KARS1: variants seen among roughly 807,000 people sequenced by gnomAD.
KARS1 encodes the protein lysine--tRNA ligase.
KARS1 carries 50 observed loss-of-function variants against 63.9 expected under a neutral mutation model. The observed-to-expected ratio is 0.78, with a 90% CI of 0.62 to 0.99. The LOEUF is 0.99. KARS1 is among the 50% of genes least tolerant of loss of function. The pLI, the probability that KARS1 is intolerant of heterozygous loss-of-function variation, is 0.00. For missense variants in KARS1, 816 were observed against 754.5 expected (o/e 1.08, Z -0.95); for synonymous variants, 320 against 264.6 (o/e 1.21, Z -2.03).
chr16:75,629,541 C>T lies in KARS1; in HGVS notation c.1425G>A (p.Trp475Ter). 6.2e-7 allele frequency: 1 copy of T among 1,614,012 alleles called. No individual in the cohort carries two copies. The highest frequency in any genetic ancestry group is 8.5e-7 in the Non-Finnish European group (1 of 1,179,926). ...HPQIMSPLAK[W>*]HRSKEGLTER... The stretch of plus-strand genomic sequence containing the variant: ...CAGTCAGACCCTCTTTAGAGCGGTG[C>T]CTAGGGACAGGAGACCAAAGAGGAG... The change falls in exon 12 of 14, where the codon TGG becomes TGA. Residue 475 changes from tryptophan (W) to a stop codon, truncating the protein, a stop_gained and splice_region_variant. Coordinates refer to ENST00000302445, the MANE Select transcript of KARS1 (RefSeq NM_005548.3). LOFTEE classifies it high-confidence loss of function.
intron 2 of KARS1, among the ~76,000 whole-genome samples, chr16:75,641,225 TG>T (rs1163468063): frequency 6.7e-6 from 1 of 149,460 alleles, no homozygotes; most frequent in Non-Finnish European, 1.5e-5. Context: ...GCATGGAGAG[TG>T]GGTTTGGCTG....
In KARS1 at chr16:75,647,657, C is replaced by T. The variant is rs2151815282; in HGVS notation, c.-18G>A. ...GCCGCCATCTTCCCGGAGGGCCCGACCCAAAAGTAAGGAGGATAGTACGTT... is the reference window on the plus strand; with the variant it reads ...GCCGCCATCTTCCCGGAGGGCCCGATCCAAAAGTAAGGAGGATAGTACGTT... On this transcript the variant is annotated 5_prime_UTR_variant, in exon 1 of 14. Transcript: ENST00000302445. 6.2e-7 allele frequency: 1 copy of T among 1,613,454 alleles called. No individual in the cohort carries two copies. The highest frequency in any genetic ancestry group is 8.5e-7 in the Non-Finnish European group (1 of 1,179,566).
intron 1 of KARS1, chr16:75,644,354 CCT>C (rs1555513844): frequency 1.9e-6 from 3 of 1,611,800 alleles, no homozygotes; most frequent in Non-Finnish European, 1.7e-6. Flanking sequence ...GTCGCAGTTC[CCT>C]GTGACCCCAC....
rs1196582857 is a variant in KARS1 at position 75,631,401 on chromosome 16, G to A, written c.1252+15C>T. The stretch of plus-strand genomic sequence containing the variant: ...GGAGGGCCTTACAACGGAGGAGTGA[G>A]TGTTGTCACTTTACCTTCAGTTTCA... On this transcript the variant is annotated intron_variant, in intron 9 of 13. Coordinates refer to ENST00000302445, the MANE Select transcript of KARS1 (RefSeq NM_005548.3). 6 of 1,613,604 alleles carry A rather than the reference G, an allele frequency of 3.7e-6. No individual in the cohort carries two copies. The South Asian group carries it at 6.6e-5, about 18-fold the overall frequency.
At chr16:75,631,892 T>C (rs763416335) in intron 7 of KARS1, 37 bp from the exon 8 acceptor site, 2 of 1,607,956 alleles carry the variant, frequency 1.2e-6, no homozygotes, top group South Asian at 2.2e-5. Flanking sequence ...TGACAGCTAA[T>C]CTTTTTTTTT....
intron 11 of KARS1, among the ~76,000 whole-genome samples, chr16:75,629,828 A>G (rs1160240856): frequency 2.0e-5 from 3 of 152,212 alleles, no homozygotes; most frequent in African/African-American, 7.2e-5. Context: ...ACGATCAAAC[A>G]TCTAATACAA....
At position 75,641,375 on chromosome 16, in the gene KARS1, T is replaced by C. The variant is rs922509095; in HGVS notation, c.222+189A>G. Among the ~76,000 whole-genome samples, 66 of 152,170 alleles carry C rather than the reference T, an allele frequency of 4.3e-4. 1 individual carries two copies. Among genetic ancestry groups the C allele is most frequent in the Admixed American group, 2.6e-4 (4 of 15,288 alleles). ...GAATGCTGGACTCTCTCAAATGCCT[T>C]TTGGGGGTTGACATAAAAAACACTC... On this transcript the variant is annotated intron_variant, in intron 2 of 13. Coordinates refer to ENST00000302445, the MANE Select transcript of KARS1 (RefSeq NM_005548.3).
intron 3 of KARS1, among the ~76,000 whole-genome samples, chr16:75,639,544 C>T (rs559501085): frequency 1.2e-4 from 17 of 141,206 alleles, no homozygotes; most frequent in Admixed American, 2.8e-4. Flanking sequence ...TGCATTCCAG[C>T]CTGGGAGACA....
chr16:75,644,362 C>G (rs1395662914), intron 1 of KARS1: 1 of 1,611,984 alleles, frequency 6.2e-7, no homozygotes, highest in Admixed American at 1.7e-5. Context: ...TCCCTGTGAC[C>G]CCACTCTGCC....
At chr16:75,629,603 T>C (rs2082089576) in intron 11 of KARS1, 62 bp from the exon 12 acceptor site, 17 of 1,578,044 alleles carry the variant, frequency 1.1e-5, no homozygotes, top group Admixed American at 1.7e-5. Flanking sequence ...TAAATTTTGT[T>C]TTTTCTTTTT....
At position 75,629,277 on chromosome 16, in the gene KARS1, G is replaced by T. The variant is rs145502323; in HGVS notation, c.1551+138C>A. On this transcript the variant is annotated intron_variant, in intron 12 of 13. Coordinates refer to ENST00000302445, the MANE Select transcript of KARS1 (RefSeq NM_005548.3). ...CCAGATGAAGTCACCATCTTGAAAT[G>T]TGACTCCTCCAGCAAGCCTATGGCT... 467 of 1,022,902 alleles carry T rather than the reference G, an allele frequency of 4.6e-4. 3 individuals are homozygous for T. The East Asian group carries it at 0.01, about 22-fold the overall frequency. 63.4% of individuals were successfully genotyped at this position (1,022,902 alleles called of 1,614,324 possible).
chr16:75,629,966 C>T (rs544931568), intron 11 of KARS1, among the ~76,000 whole-genome samples: 17 of 152,354 alleles, frequency 1.1e-4, no homozygotes, highest in Admixed American at 2.6e-4. Context: ...TAATGATCTT[C>T]CTAACAGGCC....
At position 75,647,309 on chromosome 16, in the gene KARS1, C is replaced by G. The variant is rs2233806; in HGVS notation, c.62+269G>C. 6.0e-3 allele frequency among the ~76,000 whole-genome samples: 913 copies of G among 152,298 alleles called. 8 individuals carry two copies. Among genetic ancestry groups the G allele is most frequent in the African/African-American group, 0.021 (879 of 41,568 alleles). On this transcript the variant is annotated intron_variant, in intron 1 of 13. Coordinates refer to ENST00000302445, the MANE Select transcript of KARS1 (RefSeq NM_005548.3). ...TTTTCTTTTCTGATAACTCTTAGTTCTCGTCCTAGTTCCTCCTCCACAGTC... is the reference window on the plus strand; with the variant it reads ...TTTTCTTTTCTGATAACTCTTAGTTGTCGTCCTAGTTCCTCCTCCACAGTC...
At chr16:75,635,251 G>A in intron 6 of KARS1, 1 of 297,438 alleles carries the variant, frequency 3.4e-6, no homozygotes, top group South Asian at 3.2e-5. Context: ...CCAGTAAATG[G>A]TGTGGAAGGA....
At position 75,636,510 on chromosome 16, in the gene KARS1, G is replaced by C; in HGVS notation, c.426C>G (p.Leu142=). 1 of 1,613,532 alleles carries C rather than the reference G, an allele frequency of 6.2e-7. No homozygotes were observed. The highest frequency in any genetic ancestry group is 1.7e-5 in the Admixed American group (1 of 60,018). ...IHAKRASGGK[L]IFYDLRGEGV... is the part of the protein sequence containing the mutation. ...CCTCTCCTCGAAGATCATAGAAGAT[G>C]AGCTTTCCCCCAGAAGCTCTTTTGG... Residue 142 remains leucine, a synonymous_variant, in exon 4 of 14, where the codon CTC becomes CTG. Coordinates refer to ENST00000302445, the MANE Select transcript of KARS1 (RefSeq NM_005548.3).
In KARS1 at chr16:75,631,673, TGAGA is replaced by T. The variant is rs756929053; in HGVS notation, c.1078+16_1078+19del. On this transcript the variant is annotated intron_variant, in intron 8 of 13. Transcript: ENST00000302445. Reference sequence around the variant, plus strand: ...CAGCATACCAACCACCCGATGAGTATGAGAGAGAGCAGGAGTCACCTGAAACCAT... The same window carrying T: ...CAGCATACCAACCACCCGATGAGTATGAGAGCAGGAGTCACCTGAAACCAT... The T allele has an allele frequency of 2.5e-6, 4 of 1,614,146 alleles. No homozygotes were observed. The highest frequency in any genetic ancestry group is 3.3e-5 in the Admixed American group (2 of 60,022).
intron 1 of KARS1, among the ~76,000 whole-genome samples, chr16:75,643,563 T>G (rs1049348119): frequency 7.2e-5 from 11 of 152,112 alleles, no homozygotes; most frequent in African/African-American, 2.2e-4. Context: ...GTATTTTTAG[T>G]GAAGATGGGG....
rs1477118483 is a variant in KARS1, at chr16:75,631,431, G to C, written c.1237C>G (p.Leu413Val). 1 of 1,614,146 alleles carries C rather than the reference G, an allele frequency of 6.2e-7. No homozygotes were observed. Among genetic ancestry groups the C allele is most frequent in the Non-Finnish European group, 8.5e-7 (1 of 1,180,020 alleles). The change falls in exon 9 of 14, where the codon CTC (leucine) becomes GTC (valine). Residue 413 changes from leucine (L) to valine (V), a missense_variant. Coordinates refer to ENST00000302445, the MANE Select transcript of KARS1 (RefSeq NM_005548.3). ...ALGMKLPETN[L>V]FETEETRKIL... ...GTCACTTTACCTTCAGTTTCAAAGAGGTTCGTTTCTGGCAGCTTCATCCCC... is the reference window on the plus strand; with the variant it reads ...GTCACTTTACCTTCAGTTTCAAAGACGTTCGTTTCTGGCAGCTTCATCCCC...
intron 7 of KARS1, among the ~76,000 whole-genome samples, chr16:75,632,877 G>C (rs564712518): frequency 1.3e-4 from 20 of 152,324 alleles, no homozygotes; most frequent in African/African-American, 4.6e-4. Flanking sequence ...TACGTAGCTT[G>C]TAATAACTGA....
Sources: allele counts gnomAD v4.1 joint callset (sites outside exome capture counted in the v4.1 genomes callset), GRCh38; gene constraint gnomAD v4.1.1; transcripts MANE v1.5; gene names NCBI Gene and HGNC (gene_info 2026-07-23, HGNC 2026-07-21).